Variants in DIAPH2 observed in about 807,000 individuals in gnomAD.
DIAPH2 encodes the protein protein diaphanous homolog 2.
DIAPH2 carries 35 observed loss-of-function variants against 92.7 expected under a neutral mutation model. The observed-to-expected ratio is 0.38, with a 90% CI of 0.29 to 0.50. DIAPH2 has a LOEUF of 0.50. Among genes scored for constraint, DIAPH2 ranks in the 20% least tolerant of loss-of-function variants. The probability of loss-of-function intolerance (pLI) is 0.94; values close to 1 mark genes in which losing one functional copy is unlikely to be tolerated. For synonymous variants in DIAPH2, 301 were observed against 280.4 expected (o/e 1.07, Z -0.73); for missense variants, 701 against 819.5 (o/e 0.86, Z 1.77).
Position 97,094,491 on chromosome X carries a change from G to T in DIAPH2, c.2248-5203G>T, listed in dbSNP as rs1470848541. ...TTATTTTATTAACTAATGTGTTTTTGAAAATAGTGACTGCATGTTGAGGGA... is the reference window on the plus strand; with the variant it reads ...TTATTTTATTAACTAATGTGTTTTTTAAAATAGTGACTGCATGTTGAGGGA... On this transcript the variant is annotated intron_variant, in intron 19 of 26. Transcript: ENST00000324765. Among the ~76,000 whole-genome samples the T allele has an allele frequency of 2.7e-5, 3 of 111,907 alleles. No individual in the cohort carries two copies. The Admixed American group carries it at 2.8e-4, about 11-fold the overall frequency.
chrX:96,843,718 GC>G (rs2064952546), intron 4 of DIAPH2, among the ~76,000 whole-genome samples: 1 of 111,765 alleles, frequency 8.9e-6, no homozygotes, highest in Non-Finnish European at 1.9e-5. Flanking sequence ...GAATTCAAGA[GC>G]CCAGCTCCTC....
At chrX:97,196,043 CTG>C (rs767518546) in intron 22 of DIAPH2, among the ~76,000 whole-genome samples, 90 of 111,821 alleles carry the variant, frequency 8.0e-4, no homozygotes, top group East Asian at 5.0e-3. Context: ...AAAATCATAA[CTG>C]TATTTTCAAA....
At chrX:96,701,563 G>C (rs1481386154) in intron 1 of DIAPH2, 1 of 110,444 alleles carries the variant, frequency 9.1e-6, no homozygotes, top group Non-Finnish European at 1.9e-5. Flanking sequence ...CAAGGAGTTA[G>C]ATCTGTAACT....
intron 26 of DIAPH2, among the ~76,000 whole-genome samples, chrX:97,476,262 C>T (rs2070602287): frequency 8.9e-6 from 1 of 111,807 alleles, no homozygotes; most frequent in Non-Finnish European, 1.9e-5. Context: ...CTGTACCTTC[C>T]ACACGGAGTT....
chrX:97,029,338 G>A (rs62597744), intron 17 of DIAPH2, among the ~76,000 whole-genome samples: 6,569 of 108,704 alleles, frequency 0.06, 210 homozygotes, highest in Non-Finnish European at 0.095. Flanking sequence ...TGTAGAGATA[G>A]GGTTTTACCA....
At chrX:97,251,863 A>G (rs1009984160) in intron 23 of DIAPH2, among the ~76,000 whole-genome samples, 2 of 111,831 alleles carry the variant, frequency 1.8e-5, no homozygotes, top group Admixed American at 1.9e-4. Context: ...GGGAGGGATA[A>G]GTTCAGAGAC....
chrX:97,071,626 T>G (rs1469968236), intron 17 of DIAPH2, among the ~76,000 whole-genome samples: 1 of 111,732 alleles, frequency 8.9e-6, no homozygotes, highest in South Asian at 3.7e-4. Context: ...TGTAGCATGC[T>G]CATTTAATTT....
At chrX:97,086,481 T>A (rs1055685133) in intron 19 of DIAPH2, among the ~76,000 whole-genome samples, 1 of 111,698 alleles carries the variant, frequency 9.0e-6, no homozygotes, top group Non-Finnish European at 1.9e-5. Context: ...AACATGGTGA[T>A]GATAGCTAAT....
chrX:97,577,136 C>G (rs960913771), intron 26 of DIAPH2, among the ~76,000 whole-genome samples: 2 of 111,753 alleles, frequency 1.8e-5, no homozygotes, highest in African/African-American at 6.5e-5. Flanking sequence ...TTCAACACCC[C>G]TAAGAACAGA....
At chrX:96,692,282 A>G (rs1401902369) in intron 1 of DIAPH2, among the ~76,000 whole-genome samples, 1 of 111,553 alleles carries the variant, frequency 9.0e-6, no homozygotes, top group Non-Finnish European at 1.9e-5. Context: ...CAAATCTCAG[A>G]TATCTTGTCA....
chrX:97,340,894 C>G (rs758492183), intron 23 of DIAPH2, among the ~76,000 whole-genome samples: 101 of 110,083 alleles, frequency 9.2e-4, no homozygotes, highest in African/African-American at 3.2e-3. Flanking sequence ...CTTAAGTGAT[C>G]CACCTGCCTT....
intron 24 of DIAPH2, among the ~76,000 whole-genome samples, chrX:97,369,020 G>A (rs1257770159): frequency 2.0e-5 from 2 of 101,221 alleles, no homozygotes; most frequent in African/African-American, 7.3e-5. Context: ...CGATACTCCT[G>A]CCTTAGCCTC....
chrX:97,120,325 G>A (rs903310741), intron 21 of DIAPH2, among the ~76,000 whole-genome samples: 1 of 110,869 alleles, frequency 9.0e-6, no homozygotes, highest in Admixed American at 9.6e-5. Context: ...TTCCCCAGTA[G>A]GGGTGTGTGT....
At chrX:97,009,271 C>T (rs1372123301) in intron 17 of DIAPH2, among the ~76,000 whole-genome samples, 1 of 111,230 alleles carries the variant, frequency 9.0e-6, no homozygotes, top group Non-Finnish European at 1.9e-5. Context: ...AAGGGCTCTT[C>T]AGGCAGCTTG....
chrX:96,702,730 A>T (rs1399495334), intron 1 of DIAPH2, among the ~76,000 whole-genome samples: 2 of 112,109 alleles, frequency 1.8e-5, no homozygotes, highest in Non-Finnish European at 3.8e-5. Context: ...TATTACACAC[A>T]GTTGTGGAGA....
At chrX:96,970,688 C>T (rs1381939460) in intron 17 of DIAPH2, among the ~76,000 whole-genome samples, 3 of 110,920 alleles carry the variant, frequency 2.7e-5, no homozygotes, top group Non-Finnish European at 5.7e-5. Context: ...TTCAAAGAAT[C>T]AACTTTTGGT....
At chrX:96,830,367 C>G (rs1221999219) in intron 4 of DIAPH2, among the ~76,000 whole-genome samples, 1 of 108,834 alleles carries the variant, frequency 9.2e-6, no homozygotes, top group African/African-American at 3.3e-5. Flanking sequence ...GTCAGGAGAT[C>G]GAGACCATCC....
chrX:97,449,616 A>G (rs554527148), intron 26 of DIAPH2: 24 of 710,375 alleles, frequency 3.4e-5, no homozygotes, highest in Middle Eastern at 8.1e-4. Context: ...AGTATTTTCA[A>G]TTGGTTACCC....
chrX:96,994,701 C>T (rs1034750885), intron 17 of DIAPH2, among the ~76,000 whole-genome samples: 1 of 111,245 alleles, frequency 9.0e-6, no homozygotes, highest in Admixed American at 9.5e-5. Flanking sequence ...ACAATCATGG[C>T]AGAAGGTGAA....
Sources: allele counts gnomAD v4.1 joint callset (sites outside exome capture counted in the v4.1 genomes callset), GRCh38; gene constraint gnomAD v4.1.1; transcripts MANE v1.5; gene names NCBI Gene and HGNC (gene_info 2026-07-23, HGNC 2026-07-21).